Variants in KIAA1549 observed in about 807,000 individuals in gnomAD.
KIAA1549 encodes the protein KIAA1549.
A neutral mutation model predicts 156.4 loss-of-function variants in KIAA1549; 70 were observed. The observed-to-expected ratio is 0.45, with a 90% CI of 0.37 to 0.55. The LOEUF (loss-of-function observed/expected upper bound fraction) is 0.55, where lower values mean the gene tolerates loss of function less well. Ranked by LOEUF, KIAA1549 falls within the 20% of genes least tolerant of loss-of-function variation. The pLI is 0.00. For synonymous variants in KIAA1549, 1,103 were observed against 1,066.4 expected, an observed-to-expected ratio of 1.03 and a Z score of -0.67; for missense variants, 2,428 against 2,540.9, an observed-to-expected ratio of 0.96 and a Z score of 0.96.
At chr7:138,928,449 G>C (rs1812784236) in intron 1 of KIAA1549, among the ~76,000 whole-genome samples, 1 of 152,008 alleles carries the variant, frequency 6.6e-6, no homozygotes, top group African/African-American at 2.4e-5. Context: ...ACCACGCCCA[G>C]CTAATTTTTG....
chr7:138,895,407 C>T (rs1416083867), intron 9 of KIAA1549, among the ~76,000 whole-genome samples: 2 of 152,064 alleles, frequency 1.3e-5, no homozygotes, highest in Non-Finnish European at 2.9e-5. Flanking sequence ...AATGAATGAA[C>T]AAAATGTAGT....
At chr7:138,970,969 C>CA (rs60845767) in intron 1 of KIAA1549, among the ~76,000 whole-genome samples, 152,300 of 152,300 alleles carry the variant, frequency 1, 76,150 homozygotes, top group Non-Finnish European at 1. Flanking sequence ...AAAGAAGTGA[C>CA]AGGAGAGTTT....
chr7:138,925,829 C>CAAAAAAAA (rs59066216), intron 1 of KIAA1549, among the ~76,000 whole-genome samples: 1 of 44,604 alleles, frequency 2.2e-5, no homozygotes, highest in African/African-American at 7.0e-5. Flanking sequence ...GATCCTGTCT[C>CAAAAAAAA]AAAAAAAAAA....
At chr7:138,963,561 A>G (rs1813918417) in intron 1 of KIAA1549, among the ~76,000 whole-genome samples, 1 of 152,182 alleles carries the variant, frequency 6.6e-6, no homozygotes, top group African/African-American at 2.4e-5. Flanking sequence ...AGAAGGTTAA[A>G]CTTTATACCA....
At position 138,909,068 on chromosome 7, in the gene KIAA1549, G is replaced by A. The variant is rs376870832; in HGVS notation, c.3199C>T (p.Arg1067Cys). ...VDTGFCNFTQRIEKGLMTALF... is the reference protein window; with the variant it reads ...VDTGFCNFTQCIEKGLMTALF... The stretch of plus-strand genomic sequence containing the variant: ...GCTGTCATTAGGCCTTTCTCAATGC[G>A]CTGGGTGAAGTTGCAGAAGCCAGTA... Residue 1067 changes from arginine (R) to cysteine (C), a missense_variant, in exon 5 of 20, where the codon CGC becomes TGC. Coordinates refer to ENST00000422774, the MANE Select transcript of KIAA1549 (RefSeq NM_001164665.2). The A allele has an allele frequency of 5.6e-5, 91 of 1,613,714 alleles. No homozygotes were observed. In the African/African-American group the frequency reaches 6.3e-4, roughly 11 times the overall value.
At chr7:138,936,673 G>T (rs1370138320) in intron 1 of KIAA1549, among the ~76,000 whole-genome samples, 1 of 152,092 alleles carries the variant, frequency 6.6e-6, no homozygotes, top group African/African-American at 2.4e-5. Context: ...CTTCCAGCAT[G>T]ACAAGTTCCC....
chr7:138,964,587 T>A (rs73732916), intron 1 of KIAA1549, among the ~76,000 whole-genome samples: 6,420 of 152,238 alleles, frequency 0.042, 459 homozygotes, highest in African/African-American at 0.15. Flanking sequence ...CTGAGACTGC[T>A]GCAGGAGAGG....
At position 138,868,047 on chromosome 7, in the gene KIAA1549, G is replaced by A. The variant is rs1224617995; in HGVS notation, c.4857C>T (p.Leu1619=). The change falls in exon 15 of 20, where the codon CTC becomes CTT. Residue 1619 remains leucine (L), a synonymous_variant. Transcript: ENST00000422774. ...AGGTGCCATCGCTGTCTGTGGTGAT[G>A]AGCCGGTCCTTCTCAGCGTCGGCAG... The part of the protein sequence containing the change: ...GCPADAEKDR[L]ITTDSDGTYR... The A allele has an allele frequency of 7.4e-6, 12 of 1,613,858 alleles. No homozygotes were observed. Among genetic ancestry groups the A allele is most frequent in the Non-Finnish European group, 1.0e-5 (12 of 1,179,884 alleles).
Position 138,898,305 on chromosome 7 carries a change from C to CAAA in KIAA1549, c.3847+647_3847+649dup, listed in dbSNP as rs575419720. Among the ~76,000 whole-genome samples the CAAA allele has an allele frequency of 2.7e-3, 129 of 47,602 alleles. 2 individuals carry two copies. The highest frequency in any genetic ancestry group is 9.8e-3 in the African/African-American group (126 of 12,854). The allele number at this position is 47,602 out of a possible 152,430, so 31.2% of individuals were successfully genotyped here. A position where few individuals can be genotyped will look rare whatever the true frequency, so the allele number is the denominator to read the frequency against. ...CTGGTGACAGAGTGAGACTCCATCT[C>CAAA]AAAAAAAAAAAAAAAAAAGCAAACA... On this transcript the variant is annotated intron_variant, in intron 9 of 19. Transcript: ENST00000422774.
intron 19 of KIAA1549, among the ~76,000 whole-genome samples, chr7:138,839,237 T>C (rs1326912808): frequency 6.6e-6 from 1 of 152,044 alleles, no homozygotes; most frequent in Non-Finnish European, 1.5e-5. Context: ...GGCACAGAAA[T>C]GCAACAGACA....
chr7:138,877,310 A>G (rs946946111), intron 12 of KIAA1549, among the ~76,000 whole-genome samples: 1 of 152,202 alleles, frequency 6.6e-6, no homozygotes, highest in Non-Finnish European at 1.5e-5. Context: ...CCTGGCCAAC[A>G]TGGCAAAACC....
At chr7:138,881,266 G>T in intron 11 of KIAA1549, 122 bp downstream of exon 11, 1 of 952,420 alleles carries the variant, frequency 1.0e-6, no homozygotes, top group Non-Finnish European at 1.5e-6. Flanking sequence ...CAAGTCATCA[G>T]TCTGCTGGGC....
rs563835891 is a variant in KIAA1549 at position 138,906,991 on chromosome 7, C to T, written c.3388G>A (p.Glu1130Lys). The T allele has an allele frequency of 2.7e-5, 43 of 1,613,370 alleles. No homozygotes were observed. The African/African-American group carries it at 3.3e-4, about 13-fold the overall frequency. Residue 1130 changes from glutamate to lysine, a missense_variant, in exon 6 of 20, where the codon GAG becomes AAG. By Grantham distance (56) the Glu-to-Lys change is moderately conservative. Coordinates refer to ENST00000422774, the MANE Select transcript of KIAA1549 (RefSeq NM_001164665.2). ...QGFLNGSEVS[E>K]LLRNLSVVEF... ...ACCACACTCAAGTTTCTGAGCAGCT[C>T]GCTCACTTCCGACCCATTCAAAAAT...
At chr7:138,878,060 T>A (rs560687724) in intron 12 of KIAA1549, among the ~76,000 whole-genome samples, 54 of 152,344 alleles carry the variant, frequency 3.5e-4, no homozygotes, top group African/African-American at 1.3e-3. Flanking sequence ...TGAAACAGTA[T>A]CGGTTACCAT....
intron 9 of KIAA1549, among the ~76,000 whole-genome samples, chr7:138,897,574 A>G (rs1811717192): frequency 6.6e-6 from 1 of 152,054 alleles, no homozygotes; most frequent in Non-Finnish European, 1.5e-5. Flanking sequence ...TCTTACCAAG[A>G]CTGCTTGCAG....
In KIAA1549 at chr7:138,917,359, T is replaced by C. The variant is rs1812363500; in HGVS notation, c.2267A>G (p.Glu756Gly). The change falls in exon 2 of 20, where the codon GAG (glutamate) becomes GGG (glycine). Residue 756 changes from glutamate (E) to glycine (G), a missense_variant. By Grantham distance (98) the Glu-to-Gly change is moderately conservative. This residue lies in a region of KIAA1549 where 762 missense variants were observed against 901.6 expected (regional missense o/e 0.85). Transcript: ENST00000422774. ...GGATTCATGGGAAATGAGTGAAGAC[T>C]CAAGATAGGAGGTAGTTTCAATGAA... is the stretch of plus-strand genomic sequence containing the variant. ...SAFIETTSYLESSLISHESAV... is the reference protein window; with the variant it reads ...SAFIETTSYLGSSLISHESAV... 4.3e-6 allele frequency: 7 copies of C among 1,613,752 alleles called. No individual in the cohort carries two copies. The Admixed American group carries it at 5.0e-5, about 12-fold the overall frequency.
intron 8 of KIAA1549, among the ~76,000 whole-genome samples, chr7:138,899,510 C>T (rs983421448): frequency 2.0e-5 from 3 of 152,138 alleles, no homozygotes; most frequent in Non-Finnish European, 2.9e-5. Context: ...TTAGGTACAT[C>T]CCTGGTTCTC....
rs186877174 is a variant in KIAA1549, at chr7:138,919,975, C to T, written c.188-537G>A. Among the ~76,000 whole-genome samples the T allele has an allele frequency of 1.7e-4, 26 of 152,274 alleles. 1 individual carries two copies. The highest frequency in any genetic ancestry group is 5.1e-4 in the African/African-American group (21 of 41,558). ...ACCCAAGTAAGAGAGTTCCCCAGTT[C>T]CTCAGCTGTGCTCCCCAACACAGTT... On this transcript the variant is annotated intron_variant, in intron 1 of 19. Coordinates refer to ENST00000422774, the MANE Select transcript of KIAA1549 (RefSeq NM_001164665.2).
At chr7:138,958,978 C>A (rs1813756278) in intron 1 of KIAA1549, among the ~76,000 whole-genome samples, 2 of 152,106 alleles carry the variant, frequency 1.3e-5, no homozygotes, top group South Asian at 4.1e-4. Context: ...CGGCTCACTG[C>A]AACATCCGCC....
Sources: allele counts gnomAD v4.1 joint callset (sites outside exome capture counted in the v4.1 genomes callset), GRCh38; gene constraint gnomAD v4.1.1; regional missense constraint gnomAD v4.1.1; transcripts MANE v1.5; gene names NCBI Gene and HGNC (gene_info 2026-07-23, HGNC 2026-07-21).